SPAG16: variants seen among roughly 807,000 people sequenced by gnomAD.
The protein encoded by SPAG16 is sperm-associated antigen 16 protein.
In SPAG16, 86 loss-of-function variants were observed where a neutral mutation model predicts 80.4. The observed-to-expected ratio is 1.07, with a 90% CI of 0.90 to 1.28. The LOEUF is 1.28. Ranked by LOEUF, SPAG16 falls within the 50% of genes most tolerant of loss-of-function variation. SPAG16 has a pLI of 0.00. For missense variants in SPAG16, 870 were observed against 765.3 expected (o/e 1.14, Z -1.61); for synonymous variants, 294 against 265.9 (o/e 1.11, Z -1.03).
chr2:213,946,619 C>A (rs1392512285), intron 12 of SPAG16, among the ~76,000 whole-genome samples: 1 of 152,164 alleles, frequency 6.6e-6, no homozygotes, highest in African/African-American at 2.4e-5. Flanking sequence ...TAACCATTGC[C>A]TATTGTCAAA....
intron 13 of SPAG16, among the ~76,000 whole-genome samples, chr2:214,071,528 A>T (rs1375926182): frequency 6.6e-6 from 1 of 152,204 alleles, no homozygotes; most frequent in Non-Finnish European, 1.5e-5. Context: ...CCATTTGCAT[A>T]GATGACCGAC....
Position 213,893,325 on chromosome 2 carries a change from C to G in SPAG16, c.1214+30697C>G, listed in dbSNP as rs558486161. On this transcript the variant is annotated intron_variant, in intron 11 of 15. Transcript: ENST00000331683. ...CAAAAAATACCAAAGAGAGTTCTTC[C>G]ATCTGAAAGAAAAAAAAATGTGAAG... 2.6e-5 allele frequency among the ~76,000 whole-genome samples: 4 copies of G among 152,040 alleles called. No homozygotes were observed. In the South Asian group the frequency reaches 8.3e-4, roughly 32 times the overall value.
At chr2:213,698,181 G>T (rs78756660) in intron 10 of SPAG16, among the ~76,000 whole-genome samples, 2 of 151,888 alleles carry the variant, frequency 1.3e-5, no homozygotes, top group African/African-American at 4.8e-5. Context: ...CTCTCTGACC[G>T]TTCTTCTTTA....
intron 1 of SPAG16, among the ~76,000 whole-genome samples, chr2:213,292,392 C>T (rs928838305): frequency 3.3e-5 from 5 of 152,132 alleles, no homozygotes; most frequent in Admixed American, 6.5e-5. Context: ...AGGCCGGGTG[C>T]GGTGGCTCAC....
intron 4 of SPAG16, among the ~76,000 whole-genome samples, 184 bp downstream of exon 4, chr2:213,310,361 CACACACACACACAA>C (rs2063136283): frequency 2.8e-5 from 3 of 108,556 alleles, no homozygotes; most frequent in Non-Finnish European, 6.3e-5. Context: ...CACACACACA[CACACACACACACAA>C]ATCAGAATAG....
intron 12 of SPAG16, among the ~76,000 whole-genome samples, chr2:213,987,173 A>G (rs1420356270): frequency 6.6e-6 from 1 of 152,056 alleles, no homozygotes; most frequent in Non-Finnish European, 1.5e-5. Flanking sequence ...TCATACATGT[A>G]TTTGTTCATT....
intron 8 of SPAG16, among the ~76,000 whole-genome samples, chr2:213,370,347 G>C (rs1423013731): frequency 6.6e-6 from 1 of 152,058 alleles, no homozygotes; most frequent in Non-Finnish European, 1.5e-5. Flanking sequence ...ATATCAGAAG[G>C]TGTATACCAG....
At chr2:213,355,742 TATC>T (rs1283792669) in intron 7 of SPAG16, among the ~76,000 whole-genome samples, 2 of 152,212 alleles carry the variant, frequency 1.3e-5, no homozygotes, top group African/African-American at 4.8e-5. Context: ...TGAAGTTGCT[TATC>T]AGCTTAAGGA....
intron 5 of SPAG16, among the ~76,000 whole-genome samples, chr2:213,327,393 A>G (rs1432583702): frequency 6.6e-6 from 1 of 152,098 alleles, no homozygotes; most frequent in Non-Finnish European, 1.5e-5. Context: ...ACAGAAAGAA[A>G]GTCCCTGAAA....
intron 15 of SPAG16, among the ~76,000 whole-genome samples, chr2:214,268,258 A>C (rs1691731666): frequency 6.6e-6 from 1 of 151,804 alleles, no homozygotes; most frequent in Non-Finnish European, 1.5e-5. Flanking sequence ...AACAGTATGA[A>C]CGTTCCTTTA....
At chr2:213,520,313 G>A (rs1294677129) in intron 10 of SPAG16, among the ~76,000 whole-genome samples, 8 of 152,116 alleles carry the variant, frequency 5.3e-5, no homozygotes, top group Non-Finnish European at 8.8e-5. Context: ...TTGGCCAAGC[G>A]TGGTGGCTCA....
At chr2:214,370,102 T>C (rs1464502027) in intron 15 of SPAG16, among the ~76,000 whole-genome samples, 1 of 152,132 alleles carries the variant, frequency 6.6e-6, no homozygotes, top group East Asian at 1.9e-4. Context: ...TATCTTCCCA[T>C]GGTGTCTATA....
chr2:213,407,961 CAGAG>C (rs748473801), intron 9 of SPAG16, among the ~76,000 whole-genome samples: 1 of 75,014 alleles, frequency 1.3e-5, no homozygotes, highest in African/African-American at 5.1e-5. Context: ...AGGAGAGAGG[CAGAG>C]AGAGAGACAG....
chr2:213,756,755 AAG>A (rs1335005478), intron 10 of SPAG16, among the ~76,000 whole-genome samples: 1 of 106,506 alleles, frequency 9.4e-6, no homozygotes, highest in African/African-American at 2.9e-5. Flanking sequence ...TTTATTTAAA[AAG>A]ACACTCAAAT....
chr2:213,286,231 C>G (rs1258610770), intron 1 of SPAG16, among the ~76,000 whole-genome samples: 1 of 152,118 alleles, frequency 6.6e-6, no homozygotes, highest in Non-Finnish European at 1.5e-5. Context: ...ATTTTACTAA[C>G]CGTTGTGTGA....
intron 11 of SPAG16, among the ~76,000 whole-genome samples, chr2:213,900,533 C>T (rs1213948368): frequency 1.3e-5 from 2 of 152,100 alleles, no homozygotes; most frequent in East Asian, 1.9e-4. Flanking sequence ...AATTAATACA[C>T]GATTATTTTT....
In SPAG16 at chr2:213,731,439, C is replaced by T. The variant is rs148242955; in HGVS notation, c.1071-131046C>T. On this transcript the variant is annotated intron_variant, in intron 10 of 15. Coordinates refer to ENST00000331683, the MANE Select transcript of SPAG16 (RefSeq NM_024532.5). ...CCTCCCAAATTGCTGGGATTACAGGCGTGAGCCACCATGTCCAGCTGTTTT... is the reference window on the plus strand; with the variant it reads ...CCTCCCAAATTGCTGGGATTACAGGTGTGAGCCACCATGTCCAGCTGTTTT... 2.7e-3 allele frequency among the ~76,000 whole-genome samples: 397 copies of T among 149,640 alleles called. 3 individuals carry two copies. The highest frequency in any genetic ancestry group is 3.5e-3 in the Non-Finnish European group (238 of 67,710).
chr2:213,505,153 A>G (rs944704473), intron 10 of SPAG16, among the ~76,000 whole-genome samples: 2 of 152,174 alleles, frequency 1.3e-5, no homozygotes, highest in East Asian at 1.9e-4. Context: ...CTACTTGACA[A>G]CTGTGACCTT....
chr2:214,072,847 T>C (rs1211406213), intron 13 of SPAG16, among the ~76,000 whole-genome samples: 5 of 152,208 alleles, frequency 3.3e-5, no homozygotes, highest in Non-Finnish European at 5.9e-5. Context: ...CATCAGTTTT[T>C]TAATTAAAAC....
Sources: gnomAD v4.1 joint callset for allele counts (sites outside exome capture counted in the v4.1 genomes callset) on GRCh38, gnomAD v4.1.1 for gene constraint, MANE v1.5 for transcripts, NCBI Gene and HGNC (gene_info 2026-07-23, HGNC 2026-07-21) for gene names.